The following EPHA6 variants were observed in gnomAD, a reference collection of about 807,000 sequenced individuals.
The protein encoded by EPHA6 is EPH receptor A6.
A neutral mutation model predicts 112.0 loss-of-function variants in EPHA6; 50 were observed. The observed-to-expected ratio is 0.45, with a 90% confidence interval of 0.36 to 0.56. EPHA6 has a LOEUF of 0.56. Ranked by LOEUF, EPHA6 falls within the 20% of genes least tolerant of loss-of-function variation. The pLI, the probability that EPHA6 is intolerant of heterozygous loss-of-function variation, is 0.00. For missense variants in EPHA6, 1,280 were observed against 1,417.4 expected (o/e 0.90, Z 1.56); for synonymous variants, 529 against 490.7 (o/e 1.08, Z -1.03).
intron 5 of EPHA6, among the ~76,000 whole-genome samples, chr3:97,293,017 C>T (rs1158449710): frequency 6.6e-6 from 1 of 151,932 alleles, no homozygotes; most frequent in African/African-American, 2.4e-5. Flanking sequence ...TCAGGCAGGT[C>T]ATCCTGGTGA....
chr3:97,605,895 A>T (rs1346956682), intron 12 of EPHA6, among the ~76,000 whole-genome samples: 1 of 151,352 alleles, frequency 6.6e-6, no homozygotes, highest in Non-Finnish European at 1.5e-5. Flanking sequence ...TTTTCCATTT[A>T]TTCATTTCAT....
intron 1 of EPHA6, among the ~76,000 whole-genome samples, chr3:96,819,068 C>T (rs553140156): frequency 5.9e-5 from 9 of 151,948 alleles, no homozygotes; most frequent in African/African-American, 2.2e-4. Flanking sequence ...TGGGATAATA[C>T]TATATCTAAA....
chr3:96,904,512 A>G (rs1041884865), intron 2 of EPHA6, among the ~76,000 whole-genome samples: 7 of 150,928 alleles, frequency 4.6e-5, no homozygotes, highest in Admixed American at 3.3e-4. Context: ...ATGCTAAATG[A>G]CGAGTTACTG....
rs369322757 is a variant in EPHA6 at position 96,968,027 on chromosome 3, AT to A, written c.451-19296del. 5.2e-3 allele frequency among the ~76,000 whole-genome samples: 790 copies of A among 151,028 alleles called. 10 individuals are homozygous for A. The highest frequency in any genetic ancestry group is 0.018 in the African/African-American group (725 of 41,194). The stretch of plus-strand genomic sequence containing the variant: ...TATACCTTTTATTTATATGCTTACT[AT>A]TTTTTTCTCTTCTCTTTATGACTCA... On this transcript the variant is annotated intron_variant, in intron 2 of 17. Transcript: ENST00000389672.
intron 1 of EPHA6, among the ~76,000 whole-genome samples, chr3:96,849,031 C>T (rs542412501): frequency 6.6e-6 from 1 of 152,202 alleles, no homozygotes; most frequent in South Asian, 2.1e-4. Flanking sequence ...AAAATATATG[C>T]TTATCAAAAG....
At chr3:97,265,757 C>G (rs2079658647) in intron 5 of EPHA6, among the ~76,000 whole-genome samples, 1 of 152,212 alleles carries the variant, frequency 6.6e-6, no homozygotes, top group Non-Finnish European at 1.5e-5. Flanking sequence ...CACTGCTGCT[C>G]CTGCAGCCAC....
At chr3:97,670,834 A>G (rs1470564258) in intron 14 of EPHA6, among the ~76,000 whole-genome samples, 2 of 152,200 alleles carry the variant, frequency 1.3e-5, no homozygotes, top group African/African-American at 4.8e-5. Flanking sequence ...TCTTTGAAAC[A>G]GATATTGTGT....
intron 13 of EPHA6, among the ~76,000 whole-genome samples, chr3:97,624,534 T>G (rs932669188): frequency 1.3e-5 from 2 of 151,598 alleles, no homozygotes; most frequent in Non-Finnish European, 3.0e-5. Flanking sequence ...AGTGTCTTTG[T>G]CTGGCTTTAG....
chr3:97,354,276 A>G (rs114583628), intron 5 of EPHA6, among the ~76,000 whole-genome samples: 1,941 of 152,200 alleles, frequency 0.013, 37 homozygotes, highest in African/African-American at 0.044. Context: ...AGGAAACATG[A>G]CCTCACCAAA....
intron 7 of EPHA6, among the ~76,000 whole-genome samples, chr3:97,459,423 T>C (rs1420366845): frequency 1.3e-5 from 2 of 152,202 alleles, no homozygotes; most frequent in Non-Finnish European, 2.9e-5. Flanking sequence ...AGAACCAATG[T>C]CATCCTCAAA....
chr3:97,080,897 C>T (rs2046699572), intron 3 of EPHA6, among the ~76,000 whole-genome samples: 1 of 151,774 alleles, frequency 6.6e-6, no homozygotes, highest in South Asian at 2.1e-4. Context: ...TAGACATATG[C>T]TTATATACTT....
intron 16 of EPHA6, among the ~76,000 whole-genome samples, chr3:97,737,353 A>G (rs1367337374): frequency 6.6e-6 from 1 of 152,112 alleles, no homozygotes; most frequent in Admixed American, 6.6e-5. Flanking sequence ...TTATGTTTTC[A>G]GTAACTAAAG....
chr3:97,532,589 AGTT>A, intron 11 of EPHA6, 46 bp downstream of exon 11: 1 of 1,484,314 alleles, frequency 6.7e-7, no homozygotes, highest in Non-Finnish European at 9.1e-7. Context: ...CACCTATCTC[AGTT>A]TTTTTTTAAG....
chr3:97,737,992 T>C (rs1480831915), intron 16 of EPHA6, among the ~76,000 whole-genome samples: 1 of 152,102 alleles, frequency 6.6e-6, no homozygotes, highest in Non-Finnish European at 1.5e-5. Context: ...CTTCACAAAA[T>C]TGCAGTAAAA....
intron 14 of EPHA6, among the ~76,000 whole-genome samples, chr3:97,711,358 A>G (rs543483621): frequency 6.6e-6 from 1 of 152,148 alleles, no homozygotes; most frequent in East Asian, 1.9e-4. Context: ...ATCAGAAGCA[A>G]GAAAATGGAC....
At chr3:97,162,432 G>T (rs1331239705) in intron 3 of EPHA6, among the ~76,000 whole-genome samples, 1 of 152,162 alleles carries the variant, frequency 6.6e-6, no homozygotes, top group Non-Finnish European at 1.5e-5. Flanking sequence ...GATGGGATCA[G>T]GGATCCAGTG....
intron 3 of EPHA6, among the ~76,000 whole-genome samples, chr3:97,024,173 G>A (rs2107991241): frequency 6.6e-6 from 1 of 152,024 alleles, no homozygotes; most frequent in Admixed American, 6.6e-5. Context: ...AGCAGTAAAT[G>A]GAATACAGTC....
intron 5 of EPHA6, among the ~76,000 whole-genome samples, chr3:97,298,250 C>T (rs1442430791): frequency 6.6e-6 from 1 of 152,062 alleles, no homozygotes; most frequent in East Asian, 1.9e-4. Flanking sequence ...AATTTCAAAC[C>T]TAGAGATGAG....
chr3:97,484,087 A>T, intron 10 of EPHA6, 28 bp downstream of exon 10: 2 of 1,575,334 alleles, frequency 1.3e-6, no homozygotes, highest in South Asian at 2.4e-5. Flanking sequence ...ACTTTTGAAC[A>T]AAACATTCCT....
Sources: gnomAD v4.1 joint callset for allele counts (sites outside exome capture counted in the v4.1 genomes callset) on GRCh38, gnomAD v4.1.1 for gene constraint, MANE v1.5 for transcripts, NCBI Gene and HGNC (gene_info 2026-07-23, HGNC 2026-07-21) for gene names.